TCOF1: variants seen among roughly 807,000 people sequenced by gnomAD.
TCOF1 encodes the protein treacle protein.
TCOF1 carries 33 observed loss-of-function variants against 149.0 expected under a neutral mutation model. The ratio of observed to expected loss-of-function variants is 0.22; its 90% CI spans 0.17 to 0.30. The LOEUF (loss-of-function observed/expected upper bound fraction) is 0.30. Ranked by LOEUF, TCOF1 falls within the 10% of genes least tolerant of loss-of-function variation. The probability of loss-of-function intolerance (pLI) is 1.00; values close to 1 mark genes in which losing one functional copy is unlikely to be tolerated. For synonymous variants in TCOF1, 789 were observed against 738.8 expected, an observed-to-expected ratio of 1.07 and a Z score of -1.10; for missense variants, 1,728 against 1,840.7, an observed-to-expected ratio of 0.94 and a Z score of 1.12.
At chr5:150,391,695 C>T (rs1383039672) in intron 20 of TCOF1, 38 bp downstream of exon 20, 7 of 1,580,186 alleles carry the variant, frequency 4.4e-6, no homozygotes, top group East Asian at 2.3e-5. Context: ...GCCCACGGAG[C>T]GTAGAAGGTG....
intron 1 of TCOF1, among the ~76,000 whole-genome samples, chr5:150,358,319 A>G (rs1438525417): frequency 1.3e-5 from 2 of 152,068 alleles, no homozygotes; most frequent in Admixed American, 1.3e-4. Context: ...TCAGGCCTTT[A>G]GCGATTGTCT....
chr5:150,367,407 G>A (rs1430052492), intron 3 of TCOF1, among the ~76,000 whole-genome samples: 1 of 152,224 alleles, frequency 6.6e-6, no homozygotes, highest in African/African-American at 2.4e-5. Flanking sequence ...TGAATTCCAG[G>A]CAACTTTCTC....
Position 150,369,586 on chromosome 5 carries a change from A to G in TCOF1, c.623A>G (p.Asp208Gly). 6.2e-7 allele frequency: 1 copy of G among 1,614,148 alleles called. No homozygotes were observed. The highest frequency in any genetic ancestry group is 8.5e-7 in the Non-Finnish European group (1 of 1,180,022). ...AGCGAGGACACCTCCAGCTCCAGTG[A>G]TGAGACAGACGTGGAGGTAATTGCC... ...SSSEDTSSSS[D>G]ETDVEGKPSV... The change falls in exon 6 of 27, where the codon GAT (aspartate) becomes GGT (glycine). Residue 208 changes from aspartate (D) to glycine (G), a missense_variant. Transcript: ENST00000643257.
intron 24 of TCOF1, among the ~76,000 whole-genome samples, chr5:150,397,087 A>G (rs1362603917): frequency 7.0e-6 from 1 of 142,508 alleles, no homozygotes; most frequent in Non-Finnish European, 1.5e-5. Context: ...TGAACCCGGG[A>G]GGCAGAGCTT....
At chr5:150,390,340 G>A (rs74852303) in intron 19 of TCOF1, among the ~76,000 whole-genome samples, 1 of 152,158 alleles carries the variant, frequency 6.6e-6, no homozygotes, top group Non-Finnish European at 1.5e-5. Context: ...ATGAACAAAA[G>A]TTGCCCTTTT....
intron 17 of TCOF1, chr5:150,383,148 T>G: frequency 6.5e-7 from 1 of 1,535,918 alleles, no homozygotes; most frequent in Non-Finnish European, 8.7e-7. Context: ...CGGAGAGCAG[T>G]GAGGAAGAGC....
Position 150,366,268 on chromosome 5 carries a change from G to A in TCOF1, c.305-1576G>A, listed in dbSNP as rs575981789. On this transcript the variant is annotated intron_variant, in intron 3 of 26. Transcript: ENST00000643257. Reference sequence around the variant, plus strand: ...CAGGAGGCTGAGATAGGAGAATCATGTGAGTCCAGGCATTGGAGGTTGCAG... The same window carrying A: ...CAGGAGGCTGAGATAGGAGAATCATATGAGTCCAGGCATTGGAGGTTGCAG... Among the ~76,000 whole-genome samples the A allele has an allele frequency of 5.9e-5, 9 of 152,254 alleles. No individual in the cohort carries two copies. The East Asian group carries it at 1.7e-3, about 29-fold the overall frequency.
At chr5:150,393,336 G>A in intron 22 of TCOF1, 36 bp from the exon 23 acceptor site, 2 of 1,613,414 alleles carry the variant, frequency 1.2e-6, no homozygotes, top group South Asian at 1.1e-5. Context: ...AGTGGGGTGG[G>A]GTGGTGGCAG....
At chr5:150,382,306 G>A (rs1206639671) in intron 17 of TCOF1, among the ~76,000 whole-genome samples, 1 of 152,262 alleles carries the variant, frequency 6.6e-6, no homozygotes, top group Non-Finnish European at 1.5e-5. Flanking sequence ...GCATGTGGTA[G>A]GGGCCACTGA....
At position 150,366,641 on chromosome 5, in the gene TCOF1, T is replaced by TC. The variant is rs1297750994; in HGVS notation, c.305-1203_305-1202insC. ...CCATTCATCTCAGCAACATTCTTCTTTTTTTTTTTTTTTTTTTTTTTTTTG... is the reference window on the plus strand; with the variant it reads ...CCATTCATCTCAGCAACATTCTTCTTCTTTTTTTTTTTTTTTTTTTTTTTTG... On this transcript the variant is annotated intron_variant, in intron 3 of 26. Transcript: ENST00000643257. Among the ~76,000 whole-genome samples, 48 of 60,846 alleles carry TC rather than the reference T, an allele frequency of 7.9e-4. 14 individuals carry two copies. Among genetic ancestry groups the TC allele is most frequent in the Non-Finnish European group, 1.5e-3 (44 of 29,326 alleles). 39.9% of individuals were successfully genotyped at this position (60,846 alleles called of 152,430 possible).
intron 23 of TCOF1, 69 bp from the exon 24 acceptor site, chr5:150,396,213 G>A (rs1207319025): frequency 5.4e-5 from 84 of 1,567,304 alleles, no homozygotes; most frequent in Non-Finnish European, 6.1e-5. Context: ...CACCCTCTTC[G>A]CTCTTAGGTA....
Position 150,396,686 on chromosome 5 carries a change from A to G in TCOF1, c.4189A>G (p.Ser1397Gly), listed in dbSNP as rs766768079. Reference sequence around the variant, plus strand: ...GGGGAAAGCAAAGAGAGACAAAGCAAGTGGTGATGTCAAGGAGAAGAAAGG... The same window carrying G: ...GGGGAAAGCAAAGAGAGACAAAGCAGGTGGTGATGTCAAGGAGAAGAAAGG... ...SKGKAKRDKA[S>G]GDVKEKKGKG... The change falls in exon 24 of 27, where the codon AGT becomes GGT. Residue 1397 changes from serine to glycine, a missense_variant. Transcript: ENST00000643257. 3.1e-6 allele frequency: 5 copies of G among 1,612,618 alleles called. No homozygotes were observed. In the African/African-American group the frequency reaches 6.7e-5, roughly 22 times the overall value.
intron 13 of TCOF1, 33 bp downstream of exon 13, chr5:150,376,363 G>T (rs1581123208): frequency 1.2e-6 from 2 of 1,613,992 alleles, no homozygotes; most frequent in Non-Finnish European, 1.7e-6. Flanking sequence ...GGGCCTCAGG[G>T]CCGCCCCTAC....
At chr5:150,396,247 T>A in intron 23 of TCOF1, 35 bp from the exon 24 acceptor site, 1 of 1,610,956 alleles carries the variant, frequency 6.2e-7, no homozygotes, top group Non-Finnish European at 8.5e-7. Context: ...CCCCCAACTC[T>A]CCCAGATCTG....
chr5:150,366,513 T>A (rs1199784057), intron 3 of TCOF1, among the ~76,000 whole-genome samples: 3 of 152,194 alleles, frequency 2.0e-5, no homozygotes, highest in African/African-American at 7.2e-5. Flanking sequence ...TTGTTAATGG[T>A]TGGAGCTGCC....
chr5:150,382,137 C>T (rs1765343788), intron 17 of TCOF1, among the ~76,000 whole-genome samples: 1 of 151,772 alleles, frequency 6.6e-6, no homozygotes, highest in South Asian at 2.1e-4. Flanking sequence ...GCCTGGGCAA[C>T]AGAGTGAGCA....
intron 17 of TCOF1, chr5:150,379,964 C>A: frequency 2.1e-6 from 1 of 487,254 alleles, no homozygotes; most frequent in Admixed American, 2.8e-5. Context: ...CCCAGCTACT[C>A]GGGAGGCTGA....
At chr5:150,361,067 A>G in intron 1 of TCOF1, 89 bp from the exon 2 acceptor site, 1 of 1,560,378 alleles carries the variant, frequency 6.4e-7, no homozygotes, top group Non-Finnish European at 8.8e-7. Context: ...ACCTGTCTAT[A>G]CAAGTCATGA....
chr5:150,388,772 T>C lies in TCOF1; in HGVS notation c.3046+684T>C, dbSNP rs548196528. 1.1e-3 allele frequency among the ~76,000 whole-genome samples: 172 copies of C among 150,764 alleles called. 1 individual carries two copies. Among genetic ancestry groups the C allele is most frequent in the African/African-American group, 4.2e-3 (170 of 40,874 alleles). ...GGGTAACATGGCGAAACCCCGTCTC[T>C]ACTAAAAATACAAAAAATTAGCCTG... On this transcript the variant is annotated intron_variant, in intron 18 of 26. Coordinates refer to ENST00000643257, the MANE Select transcript of TCOF1 (RefSeq NM_001371623.1).
Sources: allele counts gnomAD v4.1 joint callset (sites outside exome capture counted in the v4.1 genomes callset), GRCh38; gene constraint gnomAD v4.1.1; transcripts MANE v1.5; gene names NCBI Gene and HGNC (gene_info 2026-07-23, HGNC 2026-07-21).